MAP2K5: variants seen among roughly 807,000 people sequenced by gnomAD.
The protein encoded by MAP2K5 is mitogen-activated protein kinase kinase 5.
MAP2K5 carries 49 observed loss-of-function variants against 83.1 expected under a neutral mutation model. The ratio of observed to expected loss-of-function variants is 0.59; its 90% CI spans 0.47 to 0.75. MAP2K5 has a LOEUF of 0.75. MAP2K5 is among the 30% of genes least tolerant of loss of function. The probability of loss-of-function intolerance (pLI) is 0.00; values close to 1 mark genes in which losing one functional copy is unlikely to be tolerated. For synonymous variants in MAP2K5, 202 were observed against 191.8 expected, an observed-to-expected ratio of 1.05 and a Z score of -0.44; for missense variants, 457 against 557.5, an observed-to-expected ratio of 0.82 and a Z score of 1.82.
At position 67,644,383 on chromosome 15, in the gene MAP2K5, G is replaced by T. The variant is rs1013076088; in HGVS notation, c.586-1848G>T. Among the ~76,000 whole-genome samples the T allele has an allele frequency of 2.6e-5, 4 of 152,046 alleles. No individual in the cohort carries two copies. Among genetic ancestry groups the T allele is most frequent in the African/African-American group, 9.7e-5 (4 of 41,366 alleles). On this transcript the variant is annotated intron_variant, in intron 9 of 21. Coordinates refer to ENST00000178640, the MANE Select transcript of MAP2K5 (RefSeq NM_145160.3). The surrounding 1 kb of genome is among the most constrained non-coding windows in gnomAD (Gnocchi z 4.6). ...CACTCCAGCCTGGGTGACAGGGCAG[G>T]ACTCCATCTCTAAATAAATAAATAA...
rs1365307778 is a variant in MAP2K5, at chr15:67,571,419, G to A, written c.252+8069G>A. ...ATTTATAGTACTGTAGTAATTGAGGGGAAGGGAGGGGATACTGACTCAACC... is the reference window on the plus strand; with the variant it reads ...ATTTATAGTACTGTAGTAATTGAGGAGAAGGGAGGGGATACTGACTCAACC... On this transcript the variant is annotated intron_variant, in intron 3 of 21. Coordinates refer to ENST00000178640, the MANE Select transcript of MAP2K5 (RefSeq NM_145160.3). 2.0e-5 allele frequency among the ~76,000 whole-genome samples: 3 copies of A among 152,126 alleles called. No individual in the cohort carries two copies. The East Asian group carries it at 5.8e-4, about 29-fold the overall frequency.
chr15:67,638,286 T>C lies in MAP2K5; in HGVS notation c.585+7359T>C, dbSNP rs1223186950. 6.6e-6 allele frequency among the ~76,000 whole-genome samples: 1 copy of C among 152,178 alleles called. No homozygotes were observed. Among genetic ancestry groups the C allele is most frequent in the Non-Finnish European group, 1.5e-5 (1 of 68,038 alleles). ...CCCTCTATGTGTCCATGTGTTCTCA[T>C]AAGTTAGCTCCCACTTATAAGTGAG... is the stretch of plus-strand genomic sequence containing the variant. On this transcript the variant is annotated intron_variant, in intron 9 of 21. Transcript: ENST00000178640. The surrounding 1 kb of genome is among the most constrained non-coding windows in gnomAD (Gnocchi z 4.5).
chr15:67,589,179 A>C (rs1468367725), intron 6 of MAP2K5, among the ~76,000 whole-genome samples: 2 of 152,134 alleles, frequency 1.3e-5, no homozygotes, highest in African/African-American at 2.4e-5. Flanking sequence ...TGGATAGCTT[A>C]GGTCACCGTG....
rs1388808093 is a variant in MAP2K5 at position 67,778,664 on chromosome 15, G to A, written c.1242+5912G>A. 6.6e-6 allele frequency among the ~76,000 whole-genome samples: 1 copy of A among 152,136 alleles called. No homozygotes were observed. ...CTGTGAGAGCAGGGTGATCCTTTGC[G>A]GTTAGCAGAAGGGTAGGGGGATTTC... On this transcript the variant is annotated intron_variant, in intron 21 of 21. Transcript: ENST00000178640. This position sits in a 1 kb window ranked among gnomAD's most constrained non-coding sequence, Gnocchi z 5.0.
At chr15:67,693,894 A>G (rs976055234) in intron 15 of MAP2K5, among the ~76,000 whole-genome samples, 7 of 151,928 alleles carry the variant, frequency 4.6e-5, no homozygotes, top group Non-Finnish European at 7.4e-5. Flanking sequence ...ACCCTCAAGT[A>G]TCCCCAAATG....
chr15:67,711,553 A>AT (rs1182802745), intron 16 of MAP2K5, among the ~76,000 whole-genome samples: 2 of 152,262 alleles, frequency 1.3e-5, no homozygotes, highest in Non-Finnish European at 2.9e-5. Context: ...AAATGTTTAC[A>AT]TTTGAATCAG....
intron 7 of MAP2K5, among the ~76,000 whole-genome samples, chr15:67,597,589 C>CT (rs1342777925): frequency 6.6e-6 from 1 of 152,168 alleles, no homozygotes; most frequent in Non-Finnish European, 1.5e-5. Context: ...CTAAATAGCA[C>CT]TTTCTTATAT....
intron 4 of MAP2K5, among the ~76,000 whole-genome samples, chr15:67,581,641 T>C (rs2085180944): frequency 6.6e-6 from 1 of 152,234 alleles, no homozygotes; most frequent in African/African-American, 2.4e-5. Context: ...CTTACCTTCG[T>C]TAACTGATAC....
At chr15:67,670,762 C>G (rs192529474) in intron 13 of MAP2K5, among the ~76,000 whole-genome samples, 77 of 151,826 alleles carry the variant, frequency 5.1e-4, no homozygotes, top group Non-Finnish European at 1.0e-3. Context: ...TAAAGGATAT[C>G]TACAATGCCA....
intron 2 of MAP2K5, among the ~76,000 whole-genome samples, chr15:67,557,133 A>C (rs979254000): frequency 1.3e-5 from 2 of 152,196 alleles, no homozygotes; most frequent in Non-Finnish European, 2.9e-5. Context: ...TAGCAGATTA[A>C]TGAGTACACC....
chr15:67,589,475 A>G (rs2085352517), intron 6 of MAP2K5, among the ~76,000 whole-genome samples: 1 of 152,148 alleles, frequency 6.6e-6, no homozygotes, highest in African/African-American at 2.4e-5. Context: ...TTCCTAAACT[A>G]CTTAGCTTTC....
At chr15:67,713,813 T>C (rs1351102213) in intron 16 of MAP2K5, among the ~76,000 whole-genome samples, 1 of 152,214 alleles carries the variant, frequency 6.6e-6, no homozygotes, top group Non-Finnish European at 1.5e-5. Flanking sequence ...GATGGCGAGT[T>C]TGTCATTTTG....
rs1329398980 is a variant in MAP2K5 at position 67,748,739 on chromosome 15, G to A, written c.1134+138G>A. On this transcript the variant is annotated intron_variant, in intron 19 of 21. Transcript: ENST00000178640. The surrounding 1 kb of genome is among the most constrained non-coding windows in gnomAD (Gnocchi z 4.0). ...GTTGTATGGCTCTGAGCTATGTTACGTGAACTGGCCTTGTCCTGAATCCCA... is the reference window on the plus strand; with the variant it reads ...GTTGTATGGCTCTGAGCTATGTTACATGAACTGGCCTTGTCCTGAATCCCA... 3.0e-5 allele frequency: 21 copies of A among 707,880 alleles called. No homozygotes were observed. The highest frequency in any genetic ancestry group is 2.8e-4 in the South Asian group (15 of 53,342). 43.8% of individuals were successfully genotyped at this position (707,880 alleles called of 1,614,324 possible). A position where few individuals can be genotyped will look rare whatever the true frequency, so the allele number is the denominator to read the frequency against.
Position 67,760,562 on chromosome 15 carries a change from T to C in MAP2K5, c.1135-9040T>C, listed in dbSNP as rs1034152161. 1.3e-5 allele frequency among the ~76,000 whole-genome samples: 2 copies of C among 152,242 alleles called. No homozygotes were observed. The highest frequency in any genetic ancestry group is 4.8e-5 in the African/African-American group (2 of 41,470). On this transcript the variant is annotated intron_variant, in intron 19 of 21. Transcript: ENST00000178640. This position sits in a 1 kb window ranked among gnomAD's most constrained non-coding sequence, Gnocchi z 4.1. ...AACATAAACATCCCCATAATTTTGA[T>C]TTAGTAAGTCAATTAGATTTGTGGG...
intron 16 of MAP2K5, among the ~76,000 whole-genome samples, chr15:67,716,759 T>C (rs1300200296): frequency 1.3e-5 from 2 of 152,166 alleles, no homozygotes; most frequent in Non-Finnish European, 2.9e-5. Context: ...TCTTCCAAGC[T>C]CTTGACATCC....
In MAP2K5 at chr15:67,542,727, C is replaced by T. The variant is rs1270586985; in HGVS notation, c.-609C>T. On this transcript the variant is annotated 5_prime_UTR_variant, in exon 1 of 22. Transcript: ENST00000178640. ...CGCCTTCCTCCTCCTCCTCTCGCCG[C>T]TACCGCCGTCGCCGCCGCCGCAGCC... 2 of 97,968 alleles carry T rather than the reference C, an allele frequency of 2.0e-5. No individual in the cohort carries two copies. The highest frequency in any genetic ancestry group is 7.5e-4 in the East Asian group (1 of 1,326). The allele number at this position is 97,968 out of a possible 1,614,324, so 6.1% of individuals were successfully genotyped here.
intron 13 of MAP2K5, among the ~76,000 whole-genome samples, chr15:67,674,718 G>T (rs185931646): frequency 6.6e-6 from 1 of 152,098 alleles, no homozygotes. Context: ...AAAAGAATAT[G>T]TGCCTAGAAT....
chr15:67,646,963 C>T (rs1029172575), intron 11 of MAP2K5, among the ~76,000 whole-genome samples: 1 of 152,180 alleles, frequency 6.6e-6, no homozygotes, highest in African/African-American at 2.4e-5. Context: ...TTCCTTCCCT[C>T]TCTATTTTTT....
chr15:67,670,425 A>G (rs35395156), intron 13 of MAP2K5: 243,740 of 455,060 alleles, frequency 0.54, 68,144 homozygotes, highest in Non-Finnish European at 0.6. Context: ...TTTAGCAAAC[A>G]AAGACCTGTG....
Sources: gnomAD v4.1 joint callset for allele counts (sites outside exome capture counted in the v4.1 genomes callset) on GRCh38, gnomAD v4.1.1 for gene constraint, Gnocchi (gnomAD v3.1) non-coding constraint, MANE v1.5 for transcripts, NCBI Gene and HGNC (gene_info 2026-07-23, HGNC 2026-07-21) for gene names.